Variants in MAP6 observed in about 807,000 individuals in gnomAD.
MAP6 encodes the protein microtubule associated protein 6, also known as microtubule-associated protein 6.
MAP6 carries 26 observed loss-of-function variants against 42.4 expected under a neutral mutation model. That is an observed-to-expected ratio of 0.61 (90% CI 0.45 to 0.85). The LOEUF (loss-of-function observed/expected upper bound fraction) is 0.85, where lower values mean the gene tolerates loss of function less well. Ranked by LOEUF, MAP6 falls within the 40% of genes least tolerant of loss-of-function variation. MAP6 has a pLI of 0.00. For missense variants in MAP6, 966 were observed against 1,099.0 expected, an observed-to-expected ratio of 0.88 and a Z score of 1.71; for synonymous variants, 418 against 443.8, an observed-to-expected ratio of 0.94 and a Z score of 0.73.
At position 75,587,300 on chromosome 11, in the gene MAP6, G is replaced by A. The variant is rs753795266; in HGVS notation, c.2201C>T (p.Pro734Leu). The A allele has an allele frequency of 6.2e-7, 1 of 1,614,152 alleles. No individual in the cohort carries two copies. The highest frequency in any genetic ancestry group is 8.5e-7 in the Non-Finnish European group (1 of 1,180,026). The change falls in exon 4 of 4, where the codon CCT (proline) becomes CTT (leucine). Residue 734 changes from proline to leucine, a missense_variant. Transcript: ENST00000304771. ...VKDQGPTVLQ[P>L]PKNQGRIVPE... is the part of the protein sequence containing the mutation. The stretch of plus-strand genomic sequence containing the variant: ...GACTATACGACCTTGATTCTTTGGA[G>A]GCTGTAGGACTGTGGGGCCTTGATC...
At chr11:75,589,852 CT>C (rs1942444398) in intron 3 of MAP6, among the ~76,000 whole-genome samples, 1 of 152,182 alleles carries the variant, frequency 6.6e-6, no homozygotes, top group Non-Finnish European at 1.5e-5. Context: ...ATTTGGACTG[CT>C]TTTATTCTTC....
intron 3 of MAP6, among the ~76,000 whole-genome samples, chr11:75,599,364 G>A (rs969173608): frequency 6.6e-6 from 1 of 152,164 alleles, no homozygotes; most frequent in Non-Finnish European, 1.5e-5. Flanking sequence ...CTTATATACT[G>A]CAGATAATAA....
In MAP6 at chr11:75,587,622, C is replaced by T; in HGVS notation, c.1879G>A (p.Asp627Asn). ...EGPIVPAPVKDEGPMVSAPIK... is the reference protein window; with the variant it reads ...EGPIVPAPVKNEGPMVSAPIK... ...GGTGCTGAGACCATGGGACCTTCAT[C>T]CTTGACAGGTGCTGGGACTATGGGA... Residue 627 changes from aspartate to asparagine, a missense_variant, in exon 4 of 4, where the codon GAT (aspartate) becomes AAT (asparagine). Around this residue, in one of 2 missense-constraint regions of MAP6, gnomAD observed 943 missense variants for 1,049.9 expected, o/e 0.90. Coordinates refer to ENST00000304771, the MANE Select transcript of MAP6 (RefSeq NM_033063.2). 6.2e-7 allele frequency: 1 copy of T among 1,614,018 alleles called. No individual in the cohort carries two copies. Among genetic ancestry groups the T allele is most frequent in the Non-Finnish European group, 8.5e-7 (1 of 1,179,982 alleles).
chr11:75,615,702 G>A (rs1942983604), intron 1 of MAP6, among the ~76,000 whole-genome samples: 1 of 152,178 alleles, frequency 6.6e-6, no homozygotes, highest in South Asian at 2.1e-4. Flanking sequence ...GCTTCTTTCT[G>A]AGCGCATTTC....
chr11:75,589,847 G>T (rs532212260), intron 3 of MAP6, among the ~76,000 whole-genome samples: 1 of 152,256 alleles, frequency 6.6e-6, no homozygotes, highest in East Asian at 1.9e-4. Context: ...TGTGTATTTG[G>T]ACTGCTTTTA....
chr11:75,620,041 G>T (rs936902661), intron 1 of MAP6, among the ~76,000 whole-genome samples: 1 of 152,050 alleles, frequency 6.6e-6, no homozygotes, highest in Non-Finnish European at 1.5e-5. Context: ...TCTCATTTTG[G>T]TATTGATGTG....
intron 3 of MAP6, among the ~76,000 whole-genome samples, chr11:75,601,646 G>A (rs902917021): frequency 2.0e-5 from 3 of 152,058 alleles, no homozygotes; most frequent in African/African-American, 7.2e-5. Context: ...AGCATGACAA[G>A]GGAGCATGCA....
chr11:75,659,951 G>A (rs555425390), intron 1 of MAP6, among the ~76,000 whole-genome samples: 2 of 152,214 alleles, frequency 1.3e-5, no homozygotes, highest in African/African-American at 2.4e-5. Flanking sequence ...TACCTTCTTT[G>A]TGGGTTAGTC....
At chr11:75,630,132 C>T (rs1375189500) in intron 1 of MAP6, among the ~76,000 whole-genome samples, 2 of 152,124 alleles carry the variant, frequency 1.3e-5, no homozygotes, top group Admixed American at 6.5e-5. Flanking sequence ...CGTGGTCTTC[C>T]GAACTTTCCG....
chr11:75,659,180 A>C (rs1340406271), intron 1 of MAP6, among the ~76,000 whole-genome samples: 3 of 152,212 alleles, frequency 2.0e-5, no homozygotes, highest in Admixed American at 6.5e-5. Flanking sequence ...TGTGATTTTA[A>C]CAGTCTTAAA....
intron 1 of MAP6, among the ~76,000 whole-genome samples, chr11:75,652,969 C>G (rs962007467): frequency 6.6e-6 from 1 of 152,176 alleles, no homozygotes; most frequent in Non-Finnish European, 1.5e-5. Flanking sequence ...CGACTGCCAT[C>G]CCTACTCCTT....
In MAP6 at chr11:75,587,628, C is replaced by T. The variant is rs1265082494; in HGVS notation, c.1873G>A (p.Val625Ile). The T allele has an allele frequency of 1.2e-6, 2 of 1,614,030 alleles. No individual in the cohort carries two copies. The highest frequency in any genetic ancestry group is 8.5e-7 in the Non-Finnish European group (1 of 1,179,980). ...KGEGPIVPAP[V>I]KDEGPMVSAP... ...GAGACCATGGGACCTTCATCCTTGA[C>T]AGGTGCTGGGACTATGGGACCTTCA... The change falls in exon 4 of 4, where the codon GTC (valine) becomes ATC (isoleucine). Residue 625 changes from valine (V) to isoleucine (I), a missense_variant. Coordinates refer to ENST00000304771, the MANE Select transcript of MAP6 (RefSeq NM_033063.2).
rs766564162 is a variant in MAP6, at chr11:75,588,075, G to A, written c.1426C>T (p.Pro476Ser). 22 of 1,613,962 alleles carry A rather than the reference G, an allele frequency of 1.4e-5. No individual in the cohort carries two copies. The highest frequency in any genetic ancestry group is 4.0e-5 in the African/African-American group (3 of 74,912). ...TTCTTCAGAGGCTCTTGCACCATAG[G>A]ACCTTGACCTTTCAGAAGGCCTGGG... ...VVPGLLKGQG[P>S]MVQEPLKKQG... Residue 476 changes from proline (P) to serine (S), a missense_variant, in exon 4 of 4, where the codon CCT becomes TCT. Pro to Ser is a moderately conservative substitution (Grantham distance 74). Around this residue, in one of 2 missense-constraint regions of MAP6, gnomAD observed 943 missense variants for 1,049.9 expected, o/e 0.90. Coordinates refer to ENST00000304771, the MANE Select transcript of MAP6 (RefSeq NM_033063.2).
intron 1 of MAP6, among the ~76,000 whole-genome samples, chr11:75,659,887 C>A (rs1456219838): frequency 6.6e-6 from 1 of 152,168 alleles, no homozygotes; most frequent in Non-Finnish European, 1.5e-5. Context: ...TTCATATATG[C>A]ATTAGATACA....
At chr11:75,602,080 T>C (rs1202127499) in intron 3 of MAP6, among the ~76,000 whole-genome samples, 1 of 151,998 alleles carries the variant, frequency 6.6e-6, no homozygotes, top group African/African-American at 2.4e-5. Context: ...ATGAAGAGTA[T>C]AAAATCTTTT....
At chr11:75,622,993 CT>C (rs199977386) in intron 1 of MAP6, among the ~76,000 whole-genome samples, 6 of 151,288 alleles carry the variant, frequency 4.0e-5, no homozygotes, top group Admixed American at 2.0e-4. Context: ...AAATAAGGCC[CT>C]TTTTTTTTCC....
chr11:75,664,410 T>C (rs558701195), intron 1 of MAP6, among the ~76,000 whole-genome samples: 112 of 152,364 alleles, frequency 7.4e-4, no homozygotes, highest in African/African-American at 2.4e-3. Context: ...AATGAGCATG[T>C]ATATGATTCT....
intron 1 of MAP6, among the ~76,000 whole-genome samples, chr11:75,642,438 T>C (rs1943487880): frequency 6.6e-6 from 1 of 152,234 alleles, no homozygotes; most frequent in African/African-American, 2.4e-5. Context: ...GATTCAAAAC[T>C]ATTATCTGAT....
intron 1 of MAP6, among the ~76,000 whole-genome samples, chr11:75,651,510 T>C (rs1339498100): frequency 6.6e-6 from 1 of 152,054 alleles, no homozygotes; most frequent in Admixed American, 6.5e-5. Context: ...TTTAATACCA[T>C]TTATCCCTCG....
Sources: allele counts gnomAD v4.1 joint callset (sites outside exome capture counted in the v4.1 genomes callset), GRCh38; gene constraint gnomAD v4.1.1; regional missense constraint gnomAD v4.1.1; transcripts MANE v1.5; gene names NCBI Gene and HGNC (gene_info 2026-07-23, HGNC 2026-07-21).